PCDHA10: variants seen among roughly 807,000 people sequenced by gnomAD.
The protein encoded by PCDHA10 is protocadherin alpha-10.
PCDHA10 carries 45 observed loss-of-function variants against 61.2 expected under a neutral mutation model. The ratio of observed to expected loss-of-function variants is 0.74; its 90% CI spans 0.58 to 0.94. PCDHA10 has a LOEUF of 0.94. Among genes scored for constraint, PCDHA10 ranks in the 40% least tolerant of loss-of-function variants. The pLI is 0.00. For synonymous variants in PCDHA10, 602 were observed against 548.8 expected (o/e 1.10, Z -1.35); for missense variants, 1,278 against 1,236.2 (o/e 1.03, Z -0.51).
At chr5:140,877,766 C>T in intron 1 of PCDHA10, 2 of 1,614,186 alleles carry the variant, frequency 1.2e-6, no homozygotes, top group South Asian at 2.2e-5. Flanking sequence ...GAGAGCCCGC[C>T]CAAGACGGAC....
intron 1 of PCDHA10, among the ~76,000 whole-genome samples, chr5:140,924,131 T>C (rs2081690578): frequency 6.6e-6 from 1 of 152,234 alleles, no homozygotes; most frequent in African/African-American, 2.4e-5. Flanking sequence ...CTTAGCAGCA[T>C]TAATTTAAAA....
intron 1 of PCDHA10, chr5:140,876,114 A>G: frequency 2.5e-6 from 4 of 1,613,960 alleles, no homozygotes; most frequent in Non-Finnish European, 3.4e-6. Context: ...TGCTGATGGT[A>G]ATCGATGGCG....
intron 3 of PCDHA10, among the ~76,000 whole-genome samples, chr5:141,001,535 G>A (rs2098024806): frequency 6.6e-6 from 1 of 152,182 alleles, no homozygotes; most frequent in South Asian, 2.1e-4. Flanking sequence ...TCTGATCCTG[G>A]ACAGGATTTG....
chr5:140,998,805 C>T (rs1226450562), intron 3 of PCDHA10, among the ~76,000 whole-genome samples: 1 of 152,204 alleles, frequency 6.6e-6, no homozygotes, highest in Admixed American at 6.5e-5. Flanking sequence ...CTCAGGTGAT[C>T]TGCCTGCCTT....
chr5:140,907,708 C>T (rs1477501652), intron 1 of PCDHA10, among the ~76,000 whole-genome samples: 1 of 152,142 alleles, frequency 6.6e-6, no homozygotes, highest in East Asian at 1.9e-4. Flanking sequence ...TGTTGCTGAG[C>T]CCATGTGTAA....
intron 1 of PCDHA10, chr5:140,876,970 G>T (rs1554169165): frequency 6.2e-7 from 1 of 1,612,850 alleles, no homozygotes; most frequent in East Asian, 2.2e-5. Flanking sequence ...GCGGCGGGTG[G>T]GCGAGCACGC....
intron 1 of PCDHA10, chr5:140,875,619 T>G (rs369772491): frequency 7.7e-5 from 125 of 1,613,602 alleles, no homozygotes; most frequent in African/African-American, 7.5e-4. Flanking sequence ...GCCGCATCGC[T>G]CAGGACCTGG....
At chr5:140,961,345 C>T (rs1440791542) in intron 1 of PCDHA10, among the ~76,000 whole-genome samples, 1 of 152,136 alleles carries the variant, frequency 6.6e-6, no homozygotes, top group Non-Finnish European at 1.5e-5. Context: ...AGAGTGGATC[C>T]CTGTAGTCCC....
intron 1 of PCDHA10, chr5:140,869,676 A>G (rs1264007224): frequency 6.2e-7 from 1 of 1,613,486 alleles, no homozygotes; most frequent in African/African-American, 1.3e-5. Flanking sequence ...AGATTAAAAG[A>G]CTGTCACTTA....
At chr5:140,906,248 T>C (rs143429198) in intron 1 of PCDHA10, among the ~76,000 whole-genome samples, 45 of 152,272 alleles carry the variant, frequency 3.0e-4, no homozygotes, top group African/African-American at 1.1e-3. Context: ...CTTGAACCCA[T>C]ACACACCTCC....
At chr5:140,879,555 C>A (rs1278975106) in intron 1 of PCDHA10, among the ~76,000 whole-genome samples, 1 of 152,048 alleles carries the variant, frequency 6.6e-6, no homozygotes, top group African/African-American at 2.4e-5. Flanking sequence ...AAAAATAATC[C>A]ATGAAAGAAT....
intron 1 of PCDHA10, among the ~76,000 whole-genome samples, chr5:140,895,711 T>C (rs2065121989): frequency 6.6e-6 from 1 of 152,216 alleles, no homozygotes; most frequent in African/African-American, 2.4e-5. Flanking sequence ...CTTGGGATAA[T>C]GGCCTGCACC....
chr5:140,987,034 C>T (rs782321957), intron 3 of PCDHA10, among the ~76,000 whole-genome samples: 12 of 151,770 alleles, frequency 7.9e-5, no homozygotes, highest in Non-Finnish European at 1.6e-4. Context: ...GTCAACATGG[C>T]GAAACCCCAT....
intron 1 of PCDHA10, chr5:140,869,010 T>A (rs919333995): frequency 4.6e-6 from 7 of 1,523,886 alleles, no homozygotes; most frequent in Middle Eastern, 1.8e-4. Context: ...CCTTTGAAAC[T>A]TCTTAAGAAT....
In PCDHA10 at chr5:140,858,646, T is replaced by C. The variant is rs542211136; in HGVS notation, c.2388+210T>C. 2.7e-5 allele frequency: 22 copies of C among 817,764 alleles called. 1 individual carries two copies. In the African/African-American group the frequency reaches 3.5e-4, roughly 13 times the overall value. 50.7% of individuals were successfully genotyped at this position (817,764 alleles called of 1,614,324 possible). A position where few individuals can be genotyped will look rare whatever the true frequency, so the allele number is the denominator to read the frequency against. On this transcript the variant is annotated intron_variant, in intron 1 of 3. Coordinates refer to ENST00000307360, the MANE Select transcript of PCDHA10 (RefSeq NM_018901.4). ...AGTGTGTCAGCCTTTGATTGGTACT[T>C]AAATTTTTTTAAATAACAATTTATT...
chr5:140,967,404 A>C (rs2096137449), intron 1 of PCDHA10: 1 of 1,612,076 alleles, frequency 6.2e-7, no homozygotes, highest in Non-Finnish European at 8.5e-7. Flanking sequence ...GTGCTGCGTA[A>C]GGGCCTAGAC....
chr5:141,000,419 A>ATTTTT (rs1563652468), intron 3 of PCDHA10, among the ~76,000 whole-genome samples: 15 of 60,994 alleles, frequency 2.5e-4, no homozygotes, highest in East Asian at 5.4e-4. Flanking sequence ...ATATATATAT[A>ATTTTT]TATTTTTTTT....
chr5:140,923,964 C>A (rs1410428693), intron 1 of PCDHA10, among the ~76,000 whole-genome samples: 1 of 152,160 alleles, frequency 6.6e-6, no homozygotes, highest in East Asian at 1.9e-4. Context: ...CTAATCTATA[C>A]CCACACATAC....
chr5:140,958,915 G>T (rs1162016056), intron 1 of PCDHA10, among the ~76,000 whole-genome samples: 13 of 150,674 alleles, frequency 8.6e-5, no homozygotes, highest in Non-Finnish European at 1.8e-4. Flanking sequence ...AAGTCTGCCT[G>T]GGTGTGGTGG....
Sources: gnomAD v4.1 joint callset for allele counts (sites outside exome capture counted in the v4.1 genomes callset) on GRCh38, gnomAD v4.1.1 for gene constraint, MANE v1.5 for transcripts, NCBI Gene and HGNC (gene_info 2026-07-23, HGNC 2026-07-21) for gene names.